Variants in LPA observed in about 807,000 individuals in gnomAD.
LPA encodes apolipoprotein(a).
A neutral mutation model predicts 197.9 loss-of-function variants in LPA; 199 were observed. That is an observed-to-expected ratio of 1.01 (90% CI 0.90 to 1.13). The LOEUF (loss-of-function observed/expected upper bound fraction) is 1.13. LPA is among the 50% of genes most tolerant of loss of function. The pLI is 0.00. For synonymous variants in LPA, 715 were observed against 639.5 expected, an observed-to-expected ratio of 1.12 and a Z score of -1.78; for missense variants, 1,853 against 1,785.8, an observed-to-expected ratio of 1.04 and a Z score of -0.68.
intron 16 of LPA, among the ~76,000 whole-genome samples, chr6:160,608,291 G>T (rs1435041576): frequency 3.9e-5 from 6 of 152,014 alleles, no homozygotes; most frequent in Admixed American, 6.6e-5. Context: ...CGGTTTCTTT[G>T]TTTGGGGCAG....
chr6:160,633,951 A>C, intron 7 of LPA, 39 bp from the exon 8 acceptor site: 3 of 1,318,892 alleles, frequency 2.3e-6, no homozygotes, highest in Non-Finnish European at 3.2e-6. Flanking sequence ...AGTATCTCTG[A>C]GAATAACGAA....
At chr6:160,615,382 G>GTGTA (rs1471598903) in intron 14 of LPA, among the ~76,000 whole-genome samples, 1 of 129,326 alleles carries the variant, frequency 7.7e-6, no homozygotes, top group Non-Finnish European at 1.7e-5. Context: ...GTGTGTGTGT[G>GTGTA]TGTAGCTCAT....
intron 1 of LPA, among the ~76,000 whole-genome samples, chr6:160,655,904 G>A (rs527960856): frequency 1.7e-4 from 26 of 152,294 alleles, no homozygotes; most frequent in Non-Finnish European, 3.8e-4. Context: ...CACCCCTGAG[G>A]TAGGGTGGTA....
chr6:160,609,729 T>A (rs1779445325), intron 16 of LPA, among the ~76,000 whole-genome samples: 1 of 152,004 alleles, frequency 6.6e-6, no homozygotes, highest in South Asian at 2.1e-4. Context: ...GGTCGGTTAA[T>A]TTTATATTTC....
rs150238459 is a variant in LPA, at chr6:160,609,461, C to G, written c.2603+2101G>C. 6.5e-3 allele frequency among the ~76,000 whole-genome samples: 988 copies of G among 152,208 alleles called. 18 individuals are homozygous for G. The highest frequency in any genetic ancestry group is 0.022 in the African/African-American group (927 of 41,500). On this transcript the variant is annotated intron_variant, in intron 16 of 38. Transcript: ENST00000316300. ...TTCTCCAGTTTCTCGTGAGATGTTT[C>G]TTCTTCTTATATCCTTGCCTTGTTA...
intron 2 of LPA, among the ~76,000 whole-genome samples, chr6:160,646,634 G>A (rs1779884562): frequency 8.8e-6 from 1 of 113,402 alleles, no homozygotes; most frequent in South Asian, 3.7e-4. Context: ...AGTAGCAAAC[G>A]CTTCTTAGAA....
At chr6:160,532,483 G>T in intron 38 of LPA, 48 bp downstream of exon 38, 2 of 1,425,900 alleles carry the variant, frequency 1.4e-6, no homozygotes, top group South Asian at 1.1e-5. Context: ...AAGGGACTGA[G>T]ACTGAGACGG....
At chr6:160,556,263 G>C in intron 29 of LPA, 79 bp from the exon 30 acceptor site, 1 of 1,378,808 alleles carries the variant, frequency 7.3e-7, no homozygotes, top group East Asian at 2.3e-5. Flanking sequence ...AAACAGGACA[G>C]TAGTTTCAGA....
chr6:160,546,225 C>CCGA (rs1778068183), intron 32 of LPA, among the ~76,000 whole-genome samples: 1 of 152,126 alleles, frequency 6.6e-6, no homozygotes, highest in Non-Finnish European at 1.5e-5. Flanking sequence ...GGAAGAGGGG[C>CCGA]CGAAGGTGAG....
In LPA at chr6:160,595,356, T is replaced by G. The variant is rs745706720; in HGVS notation, c.3467A>C (p.Glu1156Ala). Residue 1156 changes from glutamate (E) to alanine (A), a missense_variant and splice_region_variant, in exon 21 of 39, where the codon GAA becomes GCA. Around this residue, in one of 3 missense-constraint regions of LPA, gnomAD observed 1,737 missense variants for 1,504.4 expected, o/e 1.15. Coordinates refer to ENST00000316300, the MANE Select transcript of LPA (RefSeq NM_005577.4). ...TTGTCTGGCCATAGACTTCCTACCT[T>G]CTTCAGAAGAAGCCTCTGTGCTTGG... is the stretch of plus-strand genomic sequence containing the variant. ...PDPSTEASSE[E>A]APTEQSPGVQ... The G allele has an allele frequency of 1.9e-6, 3 of 1,612,234 alleles. No individual in the cohort carries two copies. The highest frequency in any genetic ancestry group is 2.5e-6 in the Non-Finnish European group (3 of 1,179,862).
chr6:160,634,650 T>C (rs1470691820), intron 7 of LPA, among the ~76,000 whole-genome samples: 9 of 151,294 alleles, frequency 5.9e-5, no homozygotes, highest in Admixed American at 2.0e-4. Context: ...TACTGCTCCA[T>C]AGACCCAGGA....
intron 30 of LPA, among the ~76,000 whole-genome samples, chr6:160,553,546 G>T (rs12207195): frequency 6.6e-6 from 1 of 152,050 alleles, no homozygotes; most frequent in Non-Finnish European, 1.5e-5. Flanking sequence ...TTATGCCATT[G>T]TTTCCAAGGA....
chr6:160,551,913 CTTTT>C (rs569721968), intron 30 of LPA, among the ~76,000 whole-genome samples: 1 of 129,298 alleles, frequency 7.7e-6, no homozygotes, highest in Non-Finnish European at 1.7e-5. Flanking sequence ...AACACATATC[CTTTT>C]TTTTTTTTTT....
chr6:160,576,414 ATG>A (rs1778678145), intron 28 of LPA, among the ~76,000 whole-genome samples: 1 of 41,152 alleles, frequency 2.4e-5, no homozygotes, highest in Non-Finnish European at 4.1e-5. Context: ...ATATATATAT[ATG>A]GGTATATATA....
At chr6:160,578,829 A>G in intron 26 of LPA, 125 bp from the exon 27 acceptor site, 1 of 1,359,316 alleles carries the variant, frequency 7.4e-7, no homozygotes, top group Non-Finnish European at 1.0e-6. Context: ...ATTATACCAC[A>G]ATAATATTGC....
chr6:160,531,671 T>A lies in LPA; in HGVS notation c.*58A>T. 6.2e-7 allele frequency: 1 copy of A among 1,600,890 alleles called. No homozygotes were observed. The highest frequency in any genetic ancestry group is 1.7e-5 in the Admixed American group (1 of 59,942). On this transcript the variant is annotated 3_prime_UTR_variant, in exon 39 of 39. Transcript: ENST00000316300. ...TGTCTATTATTTCCAGCATGCTAAA[T>A]CCTTACCCACGTTTCAGCTTCTAAG...
rs1230491504 is a variant in LPA at position 160,646,873 on chromosome 6, A to T, written c.210-478T>A. On this transcript the variant is annotated intron_variant, in intron 2 of 38. Coordinates refer to ENST00000316300, the MANE Select transcript of LPA (RefSeq NM_005577.4). ...AACGAACATGTAGTTCTTCAGAGAA[A>T]ACATGGCATCAAGGAGGATAACCTT... Among the ~76,000 whole-genome samples the T allele has an allele frequency of 2.7e-5, 4 of 147,810 alleles. No individual in the cohort carries two copies. In the South Asian group the frequency reaches 6.5e-4, roughly 24 times the overall value.
At chr6:160,553,125 C>T (rs144591735) in intron 30 of LPA, among the ~76,000 whole-genome samples, 68 of 152,228 alleles carry the variant, frequency 4.5e-4, no homozygotes, top group African/African-American at 1.5e-3. Flanking sequence ...ATTTGTGCTA[C>T]TGTTTTTATG....
rs777679213 is a variant in LPA, at chr6:160,556,060, G to C, written c.4938C>G (p.His1646Gln). The change falls in exon 30 of 39, where the codon CAC becomes CAG. Residue 1646 changes from histidine (H) to glutamine (Q), a missense_variant. Physicochemically the swap from His to Gln is conservative, Grantham distance 24. This residue lies in a region of LPA where 1,737 missense variants were observed against 1,504.4 expected (regional missense o/e 1.15). Coordinates refer to ENST00000316300, the MANE Select transcript of LPA (RefSeq NM_005577.4). ...AGTTTTCTGGGGTCCTCTGATGCCGGTGTGGTGTCATGGATGACCAAGATT... is the reference window on the plus strand; with the variant it reads ...AGTTTTCTGGGGTCCTCTGATGCCGCTGTGGTGTCATGGATGACCAAGATT... The part of the protein sequence containing the change: ...TCQSWSSMTP[H>Q]RHQRTPENYP... 6.2e-7 allele frequency: 1 copy of C among 1,612,314 alleles called. No individual in the cohort carries two copies. Among genetic ancestry groups the C allele is most frequent in the Admixed American group, 1.7e-5 (1 of 59,964 alleles).
Sources: allele counts gnomAD v4.1 joint callset (sites outside exome capture counted in the v4.1 genomes callset), GRCh38; gene constraint gnomAD v4.1.1; regional missense constraint gnomAD v4.1.1; transcripts MANE v1.5; gene names NCBI Gene and HGNC (gene_info 2026-07-23, HGNC 2026-07-21).